Variants in CFAP58 observed in about 807,000 individuals in gnomAD.
CFAP58 encodes the protein cilia and flagella associated protein 58, also known as cilia- and flagella-associated protein 58.
CFAP58 carries 88 observed loss-of-function variants against 119.5 expected under a neutral mutation model. That is an observed-to-expected ratio of 0.74 (90% CI 0.62 to 0.88). The LOEUF is 0.88. Ranked by LOEUF, CFAP58 falls within the 40% of genes least tolerant of loss-of-function variation. The pLI is 0.00. For missense variants in CFAP58, 990 were observed against 1,021.2 expected, an observed-to-expected ratio of 0.97 and a Z score of 0.42; for synonymous variants, 365 against 366.3, an observed-to-expected ratio of 1.00 and a Z score of 0.04.
rs188898025 is a variant in CFAP58, at chr10:104,395,897, C to A, written c.1674+2422C>A. Among the ~76,000 whole-genome samples, 6 of 152,294 alleles carry A rather than the reference C, an allele frequency of 3.9e-5. No homozygotes were observed. The East Asian group carries it at 1.2e-3, about 29-fold the overall frequency. On this transcript the variant is annotated intron_variant, in intron 11 of 17. Transcript: ENST00000369704. Reference sequence around the variant, plus strand: ...TTTATGACTTTTCCAAGCCGATAGGCAAACGACTGTCTTTAGTAGGTCATC... The same window carrying A: ...TTTATGACTTTTCCAAGCCGATAGGAAAACGACTGTCTTTAGTAGGTCATC...
In CFAP58 at chr10:104,357,844, TGTACAC is replaced by T. The variant is rs1564875516; in HGVS notation, c.10-496_10-491del. Among the ~76,000 whole-genome samples the T allele has an allele frequency of 3.9e-4, 28 of 71,630 alleles. 2 individuals carry two copies. The highest frequency in any genetic ancestry group is 2.2e-3 in the African/African-American group (25 of 11,508). The allele number at this position is 71,630 out of a possible 152,430, so 47.0% of individuals were successfully genotyped here. A position where few individuals can be genotyped will look rare whatever the true frequency, so the allele number is the denominator to read the frequency against. On this transcript the variant is annotated intron_variant, in intron 1 of 17. Coordinates refer to ENST00000369704, the MANE Select transcript of CFAP58 (RefSeq NM_001008723.2). ...ATATATACACATATATGTACACATA[TGTACAC>T]ATATATACACATATATACACATATA... is the stretch of plus-strand genomic sequence containing the variant.
At chr10:104,411,856 G>C (rs555476734) in intron 15 of CFAP58, among the ~76,000 whole-genome samples, 3 of 151,494 alleles carry the variant, frequency 2.0e-5, no homozygotes, top group Admixed American at 6.6e-5. Flanking sequence ...GTATCTTTTT[G>C]CCAAGGGTGA....
chr10:104,407,444 G>A (rs2012383726), intron 15 of CFAP58, among the ~76,000 whole-genome samples: 1 of 152,150 alleles, frequency 6.6e-6, no homozygotes. Context: ...GAGGAAGTCA[G>A]CGCCCACGAG....
rs201193368 is a variant in CFAP58 at position 104,381,385 on chromosome 10, CA to C, written c.1365+1166del. ...GGTTAAAATAGTACTCTCTTTAATGCATTCATAGATGGCATAGAGCAGTGGT... is the reference window on the plus strand; with the variant it reads ...GGTTAAAATAGTACTCTCTTTAATGCTTCATAGATGGCATAGAGCAGTGGT... On this transcript the variant is annotated intron_variant, in intron 9 of 17. Coordinates refer to ENST00000369704, the MANE Select transcript of CFAP58 (RefSeq NM_001008723.2). 6.7e-3 allele frequency among the ~76,000 whole-genome samples: 1,015 copies of C among 152,252 alleles called. 15 individuals carry two copies. The highest frequency in any genetic ancestry group is 0.023 in the African/African-American group (958 of 41,542).
chr10:104,375,789 C>T (rs1283445714), intron 7 of CFAP58, among the ~76,000 whole-genome samples: 3 of 117,500 alleles, frequency 2.6e-5, no homozygotes, highest in Non-Finnish European at 3.6e-5. Context: ...TGGATGGGGT[C>T]GGGGGGGGCT....
At chr10:104,346,846 C>T in the CFAP58 span, among the ~76,000 whole-genome samples, 391 of 151,758 alleles carry the variant, frequency 2.6e-3, 5 homozygotes, top group African/African-American at 7.4e-3. Context: ...ATGTTGGCCA[C>T]GCTGGTCTCA....
intron 9 of CFAP58, among the ~76,000 whole-genome samples, chr10:104,381,090 C>G (rs1162669106): frequency 6.6e-6 from 1 of 152,166 alleles, no homozygotes; most frequent in African/African-American, 2.4e-5. Context: ...GTGGAGGCTA[C>G]AGTGAGCTGT....
chr10:104,452,890 T>C lies in CFAP58; in HGVS notation c.2511-1532T>C, dbSNP rs141743252. On this transcript the variant is annotated intron_variant, in intron 17 of 17. Transcript: ENST00000369704. ...TTTGGTGGTTCCATCTACGTGGGGA[T>C]CCATAAACTGGTAGACAGAGATTAG... 8.5e-4 allele frequency among the ~76,000 whole-genome samples: 129 copies of C among 152,118 alleles called. No homozygotes were observed. In the East Asian group the frequency reaches 0.018, roughly 22 times the overall value.
chr10:104,442,547 C>CA (rs2013055225), intron 15 of CFAP58, among the ~76,000 whole-genome samples: 1 of 146,976 alleles, frequency 6.8e-6, no homozygotes, highest in Non-Finnish European at 1.5e-5. Flanking sequence ...GAGATGGTGC[C>CA]ATTGCACTCC....
rs1164808181 is a variant in CFAP58, at chr10:104,357,902, CACATATACACACAT to C, written c.10-437_10-424del. 3.4e-3 allele frequency among the ~76,000 whole-genome samples: 243 copies of C among 71,558 alleles called. 11 individuals are homozygous for C. The highest frequency in any genetic ancestry group is 0.02 in the African/African-American group (215 of 10,908). The allele number at this position is 71,558 out of a possible 152,430, so 46.9% of individuals were successfully genotyped here. A position where few individuals can be genotyped will look rare whatever the true frequency, so the allele number is the denominator to read the frequency against. On this transcript the variant is annotated intron_variant, in intron 1 of 17. Coordinates refer to ENST00000369704, the MANE Select transcript of CFAP58 (RefSeq NM_001008723.2). ...GTACACATATATAAACATATATGTA[CACATATACACACAT>C]ATATGTACACATATACACACATATA...
chr10:104,361,161 C>CT (rs2014661620), intron 2 of CFAP58, among the ~76,000 whole-genome samples: 1 of 152,184 alleles, frequency 6.6e-6, no homozygotes, highest in African/African-American at 2.4e-5. Context: ...ATTTACTGTG[C>CT]TTTTCTCCTT....
chr10:104,450,174 T>C lies in CFAP58; in HGVS notation c.2480T>C (p.Leu827Pro). ...CTCCAGAATTTAAAGAAGAAATACC[T>C]CGCTCAGAAACGTAAAGAACAACTT... ...NELQNLKKKY[L>P]AQKRKEQLQK... Residue 827 changes from leucine (L) to proline (P), a missense_variant, in exon 17 of 18, where the codon CTC becomes CCC. Coordinates refer to ENST00000369704, the MANE Select transcript of CFAP58 (RefSeq NM_001008723.2). 6.2e-7 allele frequency: 1 copy of C among 1,613,210 alleles called. No individual in the cohort carries two copies. The highest frequency in any genetic ancestry group is 8.5e-7 in the Non-Finnish European group (1 of 1,179,790).
At chr10:104,440,933 C>G (rs1208144543) in intron 15 of CFAP58, among the ~76,000 whole-genome samples, 1 of 152,156 alleles carries the variant, frequency 6.6e-6, no homozygotes, top group Non-Finnish European at 1.5e-5. Flanking sequence ...CCTGGCATGA[C>G]TGTTTTGTTT....
chr10:104,446,193 A>G (rs901838437), intron 15 of CFAP58, among the ~76,000 whole-genome samples: 1 of 152,228 alleles, frequency 6.6e-6, no homozygotes, highest in African/African-American at 2.4e-5. Flanking sequence ...ATTATATTGT[A>G]AGGTGTGACA....
chr10:104,442,587 CAAAA>C (rs1210585369), intron 15 of CFAP58, among the ~76,000 whole-genome samples: 4 of 65,552 alleles, frequency 6.1e-5, no homozygotes, highest in Admixed American at 5.1e-4. Context: ...GACTCCATTT[CAAAA>C]AAAAAAAAAA....
intron 15 of CFAP58, among the ~76,000 whole-genome samples, chr10:104,414,318 C>CA (rs2012509824): frequency 2.0e-5 from 3 of 152,212 alleles, no homozygotes; most frequent in Admixed American, 6.5e-5. Flanking sequence ...GGATAGTTTA[C>CA]AACCTCTAGC....
chr10:104,436,720 T>C (rs1021561546), intron 15 of CFAP58, among the ~76,000 whole-genome samples: 1 of 152,196 alleles, frequency 6.6e-6, no homozygotes, highest in South Asian at 2.1e-4. Context: ...CAATGTGAGA[T>C]TGGGTCAGGG....
chr10:104,359,406 T>C (rs1308286535), intron 2 of CFAP58, among the ~76,000 whole-genome samples: 1 of 152,214 alleles, frequency 6.6e-6, no homozygotes, highest in Non-Finnish European at 1.5e-5. Context: ...TTAAGTGCTA[T>C]TTTGAAGTTT....
intron 1 of CFAP58, among the ~76,000 whole-genome samples, 185 bp from the exon 2 acceptor site, chr10:104,358,156 T>C (rs1346942338): frequency 2.0e-5 from 3 of 151,708 alleles, no homozygotes; most frequent in Non-Finnish European, 4.4e-5. Context: ...TACTTATATA[T>C]GTACATAAGC....
Sources: allele counts gnomAD v4.1 joint callset (sites outside exome capture counted in the v4.1 genomes callset), GRCh38; gene constraint gnomAD v4.1.1; transcripts MANE v1.5; gene names NCBI Gene and HGNC (gene_info 2026-07-23, HGNC 2026-07-21).